GRIA2: variants seen among roughly 807,000 people sequenced by gnomAD.
The protein encoded by GRIA2 is glutamate receptor 2.
A neutral mutation model predicts 97.3 loss-of-function variants in GRIA2; 14 were observed. The ratio of observed to expected loss-of-function variants is 0.14; its 90% confidence interval spans 0.10 to 0.23. GRIA2 has a LOEUF of 0.23. Among genes scored for constraint, GRIA2 ranks in the 10% least tolerant of loss-of-function variants. The probability of loss-of-function intolerance (pLI) is 1.00; values close to 1 mark genes in which losing one functional copy is unlikely to be tolerated. For synonymous variants in GRIA2, 412 were observed against 387.8 expected (o/e 1.06, Z -0.73); for missense variants, 558 against 1,069.8 (o/e 0.52, Z 6.67).
At chr4:157,238,788 T>A (rs1174506000) in intron 2 of GRIA2, among the ~76,000 whole-genome samples, 5 of 152,090 alleles carry the variant, frequency 3.3e-5, no homozygotes, top group African/African-American at 1.2e-4. Flanking sequence ...GCTAAGGAAA[T>A]CCAATCCAGA....
At chr4:157,259,859 A>G (rs993566613) in intron 2 of GRIA2, among the ~76,000 whole-genome samples, 4 of 152,088 alleles carry the variant, frequency 2.6e-5, no homozygotes, top group African/African-American at 9.7e-5. Flanking sequence ...ACTTTCTTTT[A>G]TGATACTTAA....
intron 10 of GRIA2, 112 bp downstream of exon 10, chr4:157,335,989 C>A: frequency 1.4e-6 from 1 of 733,188 alleles, no homozygotes; most frequent in Non-Finnish European, 2.4e-6. Context: ...TCCCACATTA[C>A]TCTAGAAACA....
chr4:157,245,092 G>A (rs968432207), intron 2 of GRIA2, among the ~76,000 whole-genome samples: 56 of 150,914 alleles, frequency 3.7e-4, no homozygotes, highest in African/African-American at 1.2e-3. Context: ...ACAAAAACAG[G>A]CATCTACACA....
At chr4:157,359,811 G>A (rs2126998212) in intron 12 of GRIA2, 85 bp from the exon 13 acceptor site, 1 of 1,225,382 alleles carries the variant, frequency 8.2e-7, no homozygotes, top group Non-Finnish European at 1.2e-6. Flanking sequence ...TCTATGTTTT[G>A]AAAAGTAATA....
intron 6 of GRIA2, among the ~76,000 whole-genome samples, chr4:157,330,364 G>T (rs1734995649): frequency 6.6e-6 from 1 of 151,770 alleles, no homozygotes; most frequent in Non-Finnish European, 1.5e-5. Flanking sequence ...CACTTTAATA[G>T]TACTTAAATT....
chr4:157,292,945 T>C (rs1032267952), intron 2 of GRIA2, among the ~76,000 whole-genome samples: 2 of 152,124 alleles, frequency 1.3e-5, no homozygotes, highest in Admixed American at 1.3e-4. Flanking sequence ...ATACATAAAA[T>C]ATACTAAGAG....
In GRIA2 at chr4:157,364,441, T is replaced by A. The variant is rs1370337171; in HGVS notation, c.*1010T>A. The stretch of plus-strand genomic sequence containing the variant: ...AAATGTAATCTTGCCCCCAAAGTAA[T>A]ATCTGAATATCTTTTTGACATGTCT... On this transcript the variant is annotated 3_prime_UTR_variant, in exon 16 of 16. Transcript: ENST00000264426. 6.6e-6 allele frequency: 1 copy of A among 151,784 alleles called. No homozygotes were observed. The highest frequency in any genetic ancestry group is 1.5e-5 in the Non-Finnish European group (1 of 67,852). The allele number at this position is 151,784 out of a possible 1,614,324, so 9.4% of individuals were successfully genotyped here.
At chr4:157,329,912 T>C (rs1734973665) in intron 6 of GRIA2, among the ~76,000 whole-genome samples, 1 of 151,918 alleles carries the variant, frequency 6.6e-6, no homozygotes, top group Admixed American at 6.6e-5. Context: ...TACCTCGGAA[T>C]CACAGAGATC....
chr4:157,329,918 AGATCTG>A (rs1237284077), intron 6 of GRIA2, among the ~76,000 whole-genome samples: 2 of 151,946 alleles, frequency 1.3e-5, no homozygotes, highest in Non-Finnish European at 2.9e-5. Context: ...GGAATCACAG[AGATCTG>A]GATTCAAATC....
intron 3 of GRIA2, among the ~76,000 whole-genome samples, chr4:157,309,072 G>A (rs750520242): frequency 1.3e-5 from 2 of 151,996 alleles, no homozygotes; most frequent in African/African-American, 2.4e-5. Context: ...CAAATTACAC[G>A]TCAGATAATG....
chr4:157,328,051 T>C (rs934589959), intron 6 of GRIA2, among the ~76,000 whole-genome samples: 8 of 152,126 alleles, frequency 5.3e-5, no homozygotes, highest in African/African-American at 1.9e-4. Context: ...TTGTATTTTA[T>C]AGTTTAAAAA....
At chr4:157,318,560 AGAAGGTAGTATACT>A (rs1734425237) in intron 5 of GRIA2, among the ~76,000 whole-genome samples, 1 of 152,212 alleles carries the variant, frequency 6.6e-6, no homozygotes, top group African/African-American at 2.4e-5. Flanking sequence ...CAATTAAAAA[AGAAGGTAGTATACT>A]GAAGCAACAG....
chr4:157,332,409 T>C (rs577499998), intron 6 of GRIA2, among the ~76,000 whole-genome samples: 47 of 152,134 alleles, frequency 3.1e-4, no homozygotes, highest in Middle Eastern at 3.4e-3. Context: ...TCCATATTCC[T>C]TCTGCATTGA....
chr4:157,232,102 A>C (rs531591580), intron 2 of GRIA2, among the ~76,000 whole-genome samples: 1 of 152,332 alleles, frequency 6.6e-6, no homozygotes, highest in East Asian at 1.9e-4. Context: ...TGGTCTATAT[A>C]TTTGAAAATA....
chr4:157,238,300 T>C (rs1395406715), intron 2 of GRIA2, among the ~76,000 whole-genome samples: 2 of 152,186 alleles, frequency 1.3e-5, no homozygotes, highest in African/African-American at 4.8e-5. Flanking sequence ...TTTATAAATC[T>C]TTAACCACTT....
Position 157,307,577 on chromosome 4 carries a change from A to C in GRIA2, c.469+3786A>C, listed in dbSNP as rs542644543. ...AAGAGAAATTCAACACATTTTTAAC[A>C]ATAGAGCAATGGGGTTATCTATGTT... On this transcript the variant is annotated intron_variant, in intron 3 of 15. Transcript: ENST00000264426. Among the ~76,000 whole-genome samples the C allele has an allele frequency of 5.3e-5, 8 of 152,278 alleles. No homozygotes were observed. In the South Asian group the frequency reaches 1.0e-3, roughly 20 times the overall value.
At chr4:157,298,610 G>GTT (rs1733464195) in intron 2 of GRIA2, among the ~76,000 whole-genome samples, 3 of 68,158 alleles carry the variant, frequency 4.4e-5, no homozygotes, top group African/African-American at 6.2e-5. Flanking sequence ...TTGAAGCTAA[G>GTT]CTTTTTTTTT....
At position 157,279,486 on chromosome 4, in the gene GRIA2, G is replaced by A. The variant is rs1052803385; in HGVS notation, c.230-24066G>A. Reference sequence around the variant, plus strand: ...AGTACAGAGAATTTTTGGGGAAGTTGGGTGATATTATGTTTCAATGTAGAT... The same window carrying A: ...AGTACAGAGAATTTTTGGGGAAGTTAGGTGATATTATGTTTCAATGTAGAT... On this transcript the variant is annotated intron_variant, in intron 2 of 15. Coordinates refer to ENST00000264426, the MANE Select transcript of GRIA2 (RefSeq NM_001083619.3). Among the ~76,000 whole-genome samples, 4 of 152,020 alleles carry A rather than the reference G, an allele frequency of 2.6e-5. No homozygotes were observed. In the East Asian group the frequency reaches 7.8e-4, roughly 30 times the overall value.
At chr4:157,239,697 A>G (rs748918609) in intron 2 of GRIA2, among the ~76,000 whole-genome samples, 5 of 151,930 alleles carry the variant, frequency 3.3e-5, no homozygotes, top group Non-Finnish European at 5.9e-5. Context: ...GTATATATAC[A>G]TGTATTTTTG....
Sources: gnomAD v4.1 joint callset for allele counts (sites outside exome capture counted in the v4.1 genomes callset) on GRCh38, gnomAD v4.1.1 for gene constraint, MANE v1.5 for transcripts, NCBI Gene and HGNC (gene_info 2026-07-23, HGNC 2026-07-21) for gene names.